SLCO2A1: variants seen among roughly 807,000 people sequenced by gnomAD.
SLCO2A1 encodes the protein solute carrier organic anion transporter family member 2A1, also known as matrin F/G 1.
A neutral mutation model predicts 71.7 loss-of-function variants in SLCO2A1; 60 were observed. That is an observed-to-expected ratio of 0.84 (90% CI 0.68 to 1.04). The LOEUF is 1.04. Ranked by LOEUF, SLCO2A1 falls within the 50% of genes least tolerant of loss-of-function variation. SLCO2A1 has a pLI of 0.00. For synonymous variants in SLCO2A1, 308 were observed against 326.7 expected (o/e 0.94, Z 0.62); for missense variants, 745 against 813.4 (o/e 0.92, Z 1.02).
intron 2 of SLCO2A1, among the ~76,000 whole-genome samples, chr3:133,975,553 C>T (rs773540744): frequency 2.0e-5 from 3 of 152,136 alleles, no homozygotes; most frequent in Non-Finnish European, 4.4e-5. Context: ...TCAGCTCAAA[C>T]CCTCCAGTGG....
At chr3:133,939,473 A>C (rs952175544) in intron 11 of SLCO2A1, among the ~76,000 whole-genome samples, 2 of 152,252 alleles carry the variant, frequency 1.3e-5, no homozygotes, top group East Asian at 1.9e-4. Context: ...AAGGGAGCTC[A>C]GAAGTAATCC....
At chr3:133,935,219 C>T (rs1463385152) in intron 13 of SLCO2A1, among the ~76,000 whole-genome samples, 1 of 152,212 alleles carries the variant, frequency 6.6e-6, no homozygotes, top group Non-Finnish European at 1.5e-5. Flanking sequence ...ATACCATTTC[C>T]AGCCCCTGCC....
intron 1 of SLCO2A1, among the ~76,000 whole-genome samples, chr3:134,011,448 G>A (rs557275769): frequency 3.9e-5 from 6 of 152,214 alleles, no homozygotes; most frequent in Non-Finnish European, 7.3e-5. Context: ...CTGTGAGGAC[G>A]ATCTCAGCTG....
intron 3 of SLCO2A1, among the ~76,000 whole-genome samples, chr3:133,958,526 G>A (rs1433437404): frequency 6.6e-6 from 1 of 152,172 alleles, no homozygotes; most frequent in Non-Finnish European, 1.5e-5. Flanking sequence ...CTCTTCTCAG[G>A]ACCAAATAGG....
chr3:133,970,259 C>T (rs536263415), intron 3 of SLCO2A1, among the ~76,000 whole-genome samples: 44 of 151,634 alleles, frequency 2.9e-4, no homozygotes, highest in African/African-American at 9.4e-4. Context: ...TGCAGCCCTA[C>T]GAGGGCTATA....
chr3:133,987,611 A>T (rs1169730834), intron 1 of SLCO2A1, among the ~76,000 whole-genome samples: 1 of 152,206 alleles, frequency 6.6e-6, no homozygotes, highest in East Asian at 1.9e-4. Flanking sequence ...GTACAAAACC[A>T]AGCTGCGCCC....
intron 1 of SLCO2A1, among the ~76,000 whole-genome samples, chr3:133,987,130 A>ACCC (rs1934731059): frequency 9.2e-6 from 1 of 108,776 alleles, no homozygotes; most frequent in African/African-American, 4.1e-5. Flanking sequence ...TAAAATTCAA[A>ACCC]GCCCCCCCCC....
chr3:134,004,534 A>T (rs993231003), intron 1 of SLCO2A1, among the ~76,000 whole-genome samples: 2 of 152,132 alleles, frequency 1.3e-5, no homozygotes, highest in Non-Finnish European at 2.9e-5. Context: ...GGGTTTCGCC[A>T]TGTTGGCCAG....
chr3:134,016,094 T>C (rs1049186966), intron 1 of SLCO2A1, among the ~76,000 whole-genome samples: 13 of 152,134 alleles, frequency 8.5e-5, no homozygotes, highest in African/African-American at 2.4e-4. Flanking sequence ...GAATGAAATA[T>C]AGAAGAAATC....
chr3:133,965,882 G>C (rs902389432), intron 3 of SLCO2A1, among the ~76,000 whole-genome samples: 3 of 152,206 alleles, frequency 2.0e-5, no homozygotes, highest in Non-Finnish European at 4.4e-5. Flanking sequence ...GGCTGGTTCT[G>C]CTTGGTTCCA....
intron 1 of SLCO2A1, among the ~76,000 whole-genome samples, chr3:133,988,743 C>T (rs1934768916): frequency 6.6e-6 from 1 of 152,204 alleles, no homozygotes; most frequent in Admixed American, 6.5e-5. Flanking sequence ...CCCTCCCAAC[C>T]TCTGAAAGTC....
intron 1 of SLCO2A1, among the ~76,000 whole-genome samples, chr3:133,985,223 C>T (rs900415421): frequency 7.9e-5 from 12 of 152,210 alleles, no homozygotes; most frequent in African/African-American, 2.9e-4. Flanking sequence ...GAAAACATAA[C>T]GTACTACAAT....
In SLCO2A1 at chr3:133,937,891, C is replaced by G. The variant is rs539098856; in HGVS notation, c.1690+538G>C. ...GGGAGAGCACTCCTGCTGCCTCAAG[C>G]AGCTCGCTCTCCCCTGGGGCACTGC... On this transcript the variant is annotated intron_variant, in intron 12 of 13. Coordinates refer to ENST00000310926, the MANE Select transcript of SLCO2A1 (RefSeq NM_005630.3). 1.2e-4 allele frequency among the ~76,000 whole-genome samples: 18 copies of G among 152,336 alleles called. 1 individual carries two copies. Among genetic ancestry groups the G allele is most frequent in the Admixed American group, 1.1e-3 (17 of 15,306 alleles).
At chr3:133,990,005 G>C (rs1934804423) in intron 1 of SLCO2A1, among the ~76,000 whole-genome samples, 1 of 152,210 alleles carries the variant, frequency 6.6e-6, no homozygotes, top group Admixed American at 6.5e-5. Context: ...GTTAATTCTA[G>C]GAGAGAAGGT....
chr3:133,942,857 G>T (rs1242870237), intron 10 of SLCO2A1, 89 bp from the exon 11 acceptor site: 3 of 1,362,842 alleles, frequency 2.2e-6, no homozygotes, highest in Admixed American at 2.5e-5. Context: ...TCTTGTTGGA[G>T]ACTGAGGTTT....
intron 1 of SLCO2A1, 76 bp downstream of exon 1, chr3:134,029,631 C>A (rs1235748295): frequency 2.4e-6 from 3 of 1,262,646 alleles, no homozygotes; most frequent in Non-Finnish European, 3.3e-6. Flanking sequence ...CTGGCTCCGG[C>A]AGACAGAAGC....
At chr3:133,980,579 C>T (rs1043720901) in intron 1 of SLCO2A1, among the ~76,000 whole-genome samples, 1 of 152,240 alleles carries the variant, frequency 6.6e-6, no homozygotes, top group Non-Finnish European at 1.5e-5. Context: ...GGTTTTCCTC[C>T]AGGGAAGGGT....
chr3:134,022,869 C>A (rs1935618792), intron 1 of SLCO2A1, among the ~76,000 whole-genome samples: 1 of 152,180 alleles, frequency 6.6e-6, no homozygotes, highest in Non-Finnish European at 1.5e-5. Flanking sequence ...ACTATAAAGT[C>A]CACTGTCCAG....
Position 134,023,977 on chromosome 3 carries a change from G to A in SLCO2A1, c.96+5730C>T, listed in dbSNP as rs544032871. 3.3e-5 allele frequency among the ~76,000 whole-genome samples: 5 copies of A among 152,342 alleles called. No homozygotes were observed. The East Asian group carries it at 5.8e-4, about 18-fold the overall frequency. ...AGCCCCCAAAGGCCATCCAGCCTCC[G>A]TTTCCCAACACTAAGTCACTTCATG... is the stretch of plus-strand genomic sequence containing the variant. On this transcript the variant is annotated intron_variant, in intron 1 of 13. Transcript: ENST00000310926.
Sources: gnomAD v4.1 joint callset for allele counts (sites outside exome capture counted in the v4.1 genomes callset) on GRCh38, gnomAD v4.1.1 for gene constraint, MANE v1.5 for transcripts, NCBI Gene and HGNC (gene_info 2026-07-23, HGNC 2026-07-21) for gene names.